DECR1: variants seen among roughly 807,000 people sequenced by gnomAD.
DECR1 encodes the protein 2,4-dienoyl-CoA reductase 1, also known as 2,4-dienoyl-CoA reductase [(3E)-enoyl-CoA-producing], mitochondrial.
A neutral mutation model predicts 38.8 loss-of-function variants in DECR1; 44 were observed. The observed-to-expected ratio is 1.13, with a 90% CI of 0.89 to 1.46. DECR1 has a LOEUF of 1.46. Ranked by LOEUF, DECR1 falls within the 40% of genes most tolerant of loss-of-function variation. The pLI is 0.00. For missense variants in DECR1, 428 were observed against 405.5 expected (o/e 1.06, Z -0.48); for synonymous variants, 148 against 135.2 (o/e 1.09, Z -0.66).
At chr8:90,045,122 TA>T in intron 8 of DECR1, 127 bp downstream of exon 8, 1 of 738,802 alleles carries the variant, frequency 1.4e-6, no homozygotes, top group Non-Finnish European at 2.1e-6. Flanking sequence ...TAGTTGTAAA[TA>T]ATATAAAATA....
At chr8:90,039,852 G>A (rs1262793439) in intron 6 of DECR1, among the ~76,000 whole-genome samples, 1 of 152,136 alleles carries the variant, frequency 6.6e-6, no homozygotes, top group African/African-American at 2.4e-5. Context: ...CTTTATTTGA[G>A]GCTAAGCAAT....
At chr8:90,032,840 G>A (rs944733734) in intron 5 of DECR1, among the ~76,000 whole-genome samples, 4 of 152,148 alleles carry the variant, frequency 2.6e-5, no homozygotes, top group African/African-American at 9.7e-5. Context: ...TTCTGGTGAT[G>A]TTTCCTAACG....
chr8:90,048,725 TACA>T (rs2130177881), intron 8 of DECR1, among the ~76,000 whole-genome samples: 1 of 151,706 alleles, frequency 6.6e-6, no homozygotes, highest in East Asian at 1.9e-4. Context: ...CTGGCAGAGA[TACA>T]ACAACAAAAA....
chr8:90,047,835 T>C (rs1055879461), intron 8 of DECR1, among the ~76,000 whole-genome samples: 4 of 152,204 alleles, frequency 2.6e-5, no homozygotes, highest in Admixed American at 2.6e-4. Context: ...ACAAACTGTC[T>C]CTCAGACCAC....
At chr8:90,015,212 G>A (rs1372616860) in intron 1 of DECR1, among the ~76,000 whole-genome samples, 1 of 151,890 alleles carries the variant, frequency 6.6e-6, no homozygotes, top group East Asian at 1.9e-4. Context: ...AACCATAACT[G>A]TAAAGTAATG....
intron 5 of DECR1, among the ~76,000 whole-genome samples, chr8:90,031,460 C>T (rs1176607354): frequency 6.6e-6 from 1 of 152,026 alleles, no homozygotes; most frequent in Non-Finnish European, 1.5e-5. Flanking sequence ...TATAATTAAA[C>T]TTAAAAATAG....
At chr8:90,024,134 TG>T (rs1472039941) in intron 5 of DECR1, among the ~76,000 whole-genome samples, 3 of 152,224 alleles carry the variant, frequency 2.0e-5, no homozygotes, top group African/African-American at 7.2e-5. Context: ...ACATTTGGGT[TG>T]GTTCCAAGTC....
chr8:90,026,270 A>G (rs996370273), intron 5 of DECR1, among the ~76,000 whole-genome samples: 4 of 152,058 alleles, frequency 2.6e-5, no homozygotes, highest in Admixed American at 6.6e-5. Context: ...CTCTTTTTCT[A>G]TTGATTGGAA....
Position 90,052,771 on chromosome 8 carries a change from C to T in DECR1, c.*874C>T, listed in dbSNP as rs1301895856. On this transcript the variant is annotated 3_prime_UTR_variant, in exon 10 of 10. Transcript: ENST00000220764. ...AATCAAATAATAATGAATCCAAAGT[C>T]TCAAGTCTACAGAGCTATACTTTTG... 1.3e-5 allele frequency among the ~76,000 whole-genome samples: 2 copies of T among 152,168 alleles called. No homozygotes were observed. The highest frequency in any genetic ancestry group is 6.5e-5 in the Admixed American group (1 of 15,274).
At chr8:90,026,489 A>G (rs1253289755) in intron 5 of DECR1, among the ~76,000 whole-genome samples, 3 of 152,154 alleles carry the variant, frequency 2.0e-5, no homozygotes, top group African/African-American at 7.2e-5. Context: ...CATTTCTTCC[A>G]GATTTTCTAG....
At chr8:90,006,316 T>C in intron 1 of DECR1, 1 of 704,044 alleles carries the variant, frequency 1.4e-6, no homozygotes, top group Non-Finnish European at 2.6e-6. Context: ...GTTTGGTATA[T>C]ATCAAAGCTG....
At chr8:90,049,613 A>G (rs936642921) in intron 8 of DECR1, among the ~76,000 whole-genome samples, 1 of 152,238 alleles carries the variant, frequency 6.6e-6, no homozygotes, top group African/African-American at 2.4e-5. Flanking sequence ...AAGGTAATTT[A>G]TAGATTCAGT....
intron 6 of DECR1, among the ~76,000 whole-genome samples, chr8:90,039,200 C>G (rs1563650023): frequency 1.3e-5 from 2 of 152,120 alleles, no homozygotes; most frequent in African/African-American, 4.8e-5. Flanking sequence ...TCATACTGAC[C>G]CATATGCCTT....
chr8:90,043,979 A>G (rs1813825869), intron 7 of DECR1, among the ~76,000 whole-genome samples: 2 of 152,228 alleles, frequency 1.3e-5, no homozygotes, highest in African/African-American at 4.8e-5. Flanking sequence ...AAGATACAGA[A>G]GTATCTCTGA....
At chr8:90,036,607 GCATACATTC>G (rs1295521955) in intron 5 of DECR1, among the ~76,000 whole-genome samples, 1 of 152,124 alleles carries the variant, frequency 6.6e-6, no homozygotes, top group Non-Finnish European at 1.5e-5. Flanking sequence ...GACTCGCCAG[GCATACATTC>G]CAAGTAAGTG....
intron 1 of DECR1, among the ~76,000 whole-genome samples, chr8:90,005,073 G>A (rs896171929): frequency 3.3e-5 from 5 of 152,156 alleles, no homozygotes; most frequent in African/African-American, 1.2e-4. Flanking sequence ...GAATTTGTGT[G>A]GTCCCAATGG....
In DECR1 at chr8:90,016,664, A is replaced by C. The variant is rs147770831; in HGVS notation, c.70-460A>C. On this transcript the variant is annotated intron_variant, in intron 1 of 9. Transcript: ENST00000220764. Reference sequence around the variant, plus strand: ...AAAAAACAAACAAACAAAACAAAACAAAACAAAACCAAAAACCAAAACAAA... The same window carrying C: ...AAAAAACAAACAAACAAAACAAAACCAAACAAAACCAAAAACCAAAACAAA... 146 of 159,978 alleles carry C rather than the reference A, an allele frequency of 9.1e-4. 1 individual carries two copies. Among genetic ancestry groups the C allele is most frequent in the Non-Finnish European group, 4.5e-4 (33 of 73,526 alleles). The allele number at this position is 159,978 out of a possible 1,614,324, so 9.9% of individuals were successfully genotyped here.
intron 8 of DECR1, among the ~76,000 whole-genome samples, chr8:90,049,485 T>C (rs192964007): frequency 1.3e-5 from 2 of 152,214 alleles, no homozygotes; most frequent in East Asian, 3.9e-4. Context: ...GTGAAGTACC[T>C]CTTCAAGGAG....
At chr8:90,039,676 T>A (rs371427223) in intron 6 of DECR1, among the ~76,000 whole-genome samples, 1 of 152,196 alleles carries the variant, frequency 6.6e-6, no homozygotes, top group African/African-American at 2.4e-5. Flanking sequence ...CAGCTCAGAA[T>A]GTTACCTTTT....
Sources: gnomAD v4.1 joint callset for allele counts (sites outside exome capture counted in the v4.1 genomes callset) on GRCh38, gnomAD v4.1.1 for gene constraint, MANE v1.5 for transcripts, NCBI Gene and HGNC (gene_info 2026-07-23, HGNC 2026-07-21) for gene names.